The following NSRP1 variants were observed in gnomAD, a reference collection of about 807,000 sequenced individuals.
NSRP1 encodes coiled-coil domain containing 55.
NSRP1 carries 24 observed loss-of-function variants against 54.7 expected under a neutral mutation model. The ratio of observed to expected loss-of-function variants is 0.44; its 90% confidence interval spans 0.32 to 0.62. NSRP1 has a LOEUF of 0.62. Among genes scored for constraint, NSRP1 ranks in the 20% least tolerant of loss-of-function variants. The pLI is 0.06. For missense variants in NSRP1, 596 were observed against 651.2 expected, an observed-to-expected ratio of 0.92 and a Z score of 0.92; for synonymous variants, 210 against 213.8, an observed-to-expected ratio of 0.98 and a Z score of 0.15.
intron 2 of NSRP1, among the ~76,000 whole-genome samples, chr17:30,119,287 GTATTTTTAA>G (rs776151264): frequency 1.3e-5 from 2 of 151,310 alleles, no homozygotes; most frequent in Non-Finnish European, 2.9e-5. Flanking sequence ...TGTATTTTTA[GTATTTTTAA>G]TATTTTTTGT....
intron 2 of NSRP1, among the ~76,000 whole-genome samples, chr17:30,143,192 TCAGA>T (rs1387093229): frequency 1.3e-5 from 2 of 152,200 alleles, no homozygotes; most frequent in Admixed American, 6.5e-5. Context: ...GTGTATGTTG[TCAGA>T]CAGAAAGCAA....
rs535116117 is a variant in NSRP1 at position 30,117,667 on chromosome 17, T to C, written c.21-413T>C. Among the ~76,000 whole-genome samples the C allele has an allele frequency of 4.6e-5, 7 of 152,110 alleles. No homozygotes were observed. The South Asian group carries it at 1.5e-3, about 32-fold the overall frequency. ...TGTAAGTACACAGTAGGAAAAAAAA[T>C]CTAGCCATTTTCTTGACTGTTTAGA... On this transcript the variant is annotated intron_variant, in intron 1 of 6. Coordinates refer to ENST00000247026, the MANE Select transcript of NSRP1 (RefSeq NM_032141.4).
At chr17:30,143,206 A>G (rs939497382) in intron 2 of NSRP1, among the ~76,000 whole-genome samples, 1 of 152,230 alleles carries the variant, frequency 6.6e-6, no homozygotes, top group Admixed American at 6.5e-5. Flanking sequence ...ACAGAAAGCA[A>G]TAATCCCTCA....
intron 2 of NSRP1, among the ~76,000 whole-genome samples, chr17:30,171,969 CACACT>C (rs1567804356): frequency 6.1e-5 from 8 of 132,078 alleles, no homozygotes; most frequent in African/African-American, 1.7e-4. Flanking sequence ...CACACACACA[CACACT>C]CCCTCTCTCT....
chr17:30,122,387 T>TATATATATA (rs56155916), intron 2 of NSRP1: 4 of 8,854 alleles, frequency 4.5e-4, no homozygotes, highest in Non-Finnish European at 6.3e-4. Flanking sequence ...ATATATATAT[T>TATATATATA]TTTTTTTTTT....
intron 2 of NSRP1, among the ~76,000 whole-genome samples, chr17:30,138,074 C>T (rs1475300893): frequency 1.3e-5 from 2 of 152,156 alleles, no homozygotes; most frequent in African/African-American, 4.8e-5. Flanking sequence ...ATAAATTTGA[C>T]CATTCCAGAT....
intron 2 of NSRP1, among the ~76,000 whole-genome samples, chr17:30,142,089 A>G (rs541034736): frequency 6.6e-6 from 1 of 152,322 alleles, no homozygotes; most frequent in East Asian, 1.9e-4. Context: ...CTGTATTACA[A>G]GAGGCTGTGT....
rs2071539896 is a variant in NSRP1 at position 30,116,999 on chromosome 17, T to A, written c.20+136T>A. 14 of 1,140,206 alleles carry A rather than the reference T, an allele frequency of 1.2e-5. No individual in the cohort carries two copies. In the South Asian group the frequency reaches 1.7e-4, roughly 14 times the overall value. 70.6% of individuals were successfully genotyped at this position (1,140,206 alleles called of 1,614,324 possible). A position where few individuals can be genotyped will look rare whatever the true frequency, so the allele number is the denominator to read the frequency against. On this transcript the variant is annotated intron_variant, in intron 1 of 6. Coordinates refer to ENST00000247026, the MANE Select transcript of NSRP1 (RefSeq NM_032141.4). The stretch of plus-strand genomic sequence containing the variant: ...GGTAGAGACGGGAAAAAACGAGAAG[T>A]CCTGAGGAACATAGATTCCCCTCCC...
At chr17:30,160,119 G>A (rs538447601) in intron 2 of NSRP1, among the ~76,000 whole-genome samples, 1 of 152,228 alleles carries the variant, frequency 6.6e-6, no homozygotes, top group South Asian at 2.1e-4. Flanking sequence ...TTTGCATATG[G>A]TAAATTATCT....
chr17:30,172,268 A>C lies in NSRP1; in HGVS notation c.115-274A>C, dbSNP rs118170858. Among the ~76,000 whole-genome samples the C allele has an allele frequency of 2.0e-3, 303 of 152,338 alleles. 8 individuals carry two copies. In the East Asian group the frequency reaches 0.052, roughly 26 times the overall value. On this transcript the variant is annotated intron_variant, in intron 2 of 6. Transcript: ENST00000247026. Reference sequence around the variant, plus strand: ...TATAAGTAAGGCACCATTGCCAACCAGAAAACAGGTTGAGCATCCCAAATC... The same window carrying C: ...TATAAGTAAGGCACCATTGCCAACCCGAAAACAGGTTGAGCATCCCAAATC...
intron 2 of NSRP1, among the ~76,000 whole-genome samples, chr17:30,128,517 C>A (rs947759387): frequency 6.6e-6 from 1 of 152,036 alleles, no homozygotes; most frequent in African/African-American, 2.4e-5. Flanking sequence ...AGCAGATGGA[C>A]CTTTTCTGGA....
At chr17:30,131,842 G>A (rs1485852916) in intron 2 of NSRP1, among the ~76,000 whole-genome samples, 1 of 152,172 alleles carries the variant, frequency 6.6e-6, no homozygotes, top group Admixed American at 6.5e-5. Flanking sequence ...ATTGGAGTCA[G>A]TCCTCTCAAA....
chr17:30,186,454 AATG>A lies in NSRP1; in HGVS notation c.*783_*785del, dbSNP rs1161942507. ...GCATAGTTGGCTTAAATGAAAATAA[AATG>A]ATATGCTTATACATTTTATTTATGC... On this transcript the variant is annotated 3_prime_UTR_variant, in exon 7 of 7. Transcript: ENST00000247026. The A allele has an allele frequency of 6.6e-6, 1 of 152,246 alleles. No individual in the cohort carries two copies. Among genetic ancestry groups the A allele is most frequent in the Admixed American group, 6.5e-5 (1 of 15,284 alleles). The allele number at this position is 152,246 out of a possible 1,614,324, so 9.4% of individuals were successfully genotyped here. A position where few individuals can be genotyped will look rare whatever the true frequency, so the allele number is the denominator to read the frequency against.
intron 2 of NSRP1, among the ~76,000 whole-genome samples, chr17:30,139,798 G>A (rs55816036): frequency 0.41 from 62,067 of 151,494 alleles, 14,115 homozygotes; most frequent in East Asian, 0.81. Flanking sequence ...GCTGAGGCGG[G>A]CGGATCATGA....
chr17:30,153,280 T>C (rs575014903), intron 2 of NSRP1, among the ~76,000 whole-genome samples: 3 of 152,248 alleles, frequency 2.0e-5, no homozygotes, highest in South Asian at 4.1e-4. Flanking sequence ...TATTTCTAGA[T>C]CTTTTAAAAA....
intron 2 of NSRP1, chr17:30,127,764 A>G (rs2071663652): frequency 2.7e-6 from 1 of 364,650 alleles, no homozygotes; most frequent in Non-Finnish European, 4.9e-6. Context: ...ACTTTAAAAG[A>G]GAGTATTAAG....
intron 2 of NSRP1, among the ~76,000 whole-genome samples, chr17:30,157,758 G>C (rs1474710854): frequency 6.6e-6 from 1 of 152,204 alleles, no homozygotes; most frequent in East Asian, 1.9e-4. Context: ...GTGAGGACAT[G>C]CAATATTTGT....
chr17:30,162,440 A>G (rs933290514), intron 2 of NSRP1, among the ~76,000 whole-genome samples: 3 of 152,206 alleles, frequency 2.0e-5, no homozygotes, highest in African/African-American at 4.8e-5. Context: ...TTGTACTTAC[A>G]AGAGTTGTGA....
intron 5 of NSRP1, among the ~76,000 whole-genome samples, chr17:30,179,772 T>C (rs1410275731): frequency 1.3e-5 from 2 of 152,322 alleles, no homozygotes; most frequent in African/African-American, 4.8e-5. Flanking sequence ...ATTAAGAATA[T>C]CTTAATGCTT....
Sources: gnomAD v4.1 joint callset for allele counts (sites outside exome capture counted in the v4.1 genomes callset) on GRCh38, gnomAD v4.1.1 for gene constraint, MANE v1.5 for transcripts, NCBI Gene and HGNC (gene_info 2026-07-23, HGNC 2026-07-21) for gene names.